GALNT17: variants seen among roughly 807,000 people sequenced by gnomAD.
The protein encoded by GALNT17 is polypeptide N-acetylgalactosaminyltransferase 17, also known as UDP-GalNAc:polypeptide N-acetylgalactosaminyltransferase-like 3.
Under a neutral mutation model 63.7 loss-of-function variants are expected in GALNT17, and 29 were observed. The ratio of observed to expected loss-of-function variants is 0.46; its 90% CI spans 0.34 to 0.62. GALNT17 has a LOEUF of 0.62. Ranked by LOEUF, GALNT17 falls within the 20% of genes least tolerant of loss-of-function variation. GALNT17 has a pLI of 0.01. For synonymous variants in GALNT17, 305 were observed against 318.3 expected (o/e 0.96, Z 0.45); for missense variants, 603 against 799.6 (o/e 0.75, Z 2.97).
rs552673942 is a variant in GALNT17, at chr7:71,476,708, A to G, written c.962+55603A>G. Among the ~76,000 whole-genome samples the G allele has an allele frequency of 7.2e-5, 11 of 152,242 alleles. No individual in the cohort carries two copies. The South Asian group carries it at 2.1e-3, about 29-fold the overall frequency. The stretch of plus-strand genomic sequence containing the variant: ...GGAGTGCTATTGATGTCTAGTTGGT[A>G]GAGAGCAGGACTGCCACTAAAGATC... On this transcript the variant is annotated intron_variant, in intron 5 of 10. Transcript: ENST00000333538.
intron 1 of GALNT17, among the ~76,000 whole-genome samples, chr7:71,270,538 C>CA (rs573250852): frequency 0.034 from 2,934 of 87,518 alleles, 31 homozygotes; most frequent in South Asian, 0.067. Context: ...CCCACCCCAC[C>CA]AAAAAAAAAA....
intron 2 of GALNT17, among the ~76,000 whole-genome samples, chr7:71,340,377 C>T (rs187094409): frequency 1.3e-5 from 2 of 152,274 alleles, no homozygotes; most frequent in South Asian, 2.1e-4. Context: ...CCTCTCTAGT[C>T]TCTATTACTC....
intron 3 of GALNT17, among the ~76,000 whole-genome samples, chr7:71,401,685 T>C (rs1793244250): frequency 1.3e-5 from 2 of 152,262 alleles, no homozygotes; most frequent in South Asian, 2.1e-4. Flanking sequence ...GAGCTGCACA[T>C]GTGAGGAATC....
chr7:71,678,956 C>CAAA (rs35898355), intron 9 of GALNT17, among the ~76,000 whole-genome samples: 24 of 114,032 alleles, frequency 2.1e-4, no homozygotes, highest in African/African-American at 5.6e-4. Context: ...GACTCCATCT[C>CAAA]AAAAAAAAAA....
intron 6 of GALNT17, among the ~76,000 whole-genome samples, chr7:71,585,991 A>G (rs1789712113): frequency 6.6e-6 from 1 of 150,822 alleles, no homozygotes; most frequent in Admixed American, 6.6e-5. Flanking sequence ...GCTCATTGCA[A>G]CCTCTGCCTC....
chr7:71,237,095 G>A (rs116587286), intron 1 of GALNT17, among the ~76,000 whole-genome samples: 2,402 of 152,258 alleles, frequency 0.016, 74 homozygotes, highest in African/African-American at 0.055. Context: ...GTGGGAGGTA[G>A]GGTCAAAAAC....
chr7:71,464,645 G>T (rs1407562652), intron 5 of GALNT17, among the ~76,000 whole-genome samples: 1 of 152,118 alleles, frequency 6.6e-6, no homozygotes, highest in African/African-American at 2.4e-5. Flanking sequence ...CAAACAGAAA[G>T]GGCACGGGTT....
chr7:71,208,554 G>A (rs1422956926), intron 1 of GALNT17, among the ~76,000 whole-genome samples: 1 of 146,182 alleles, frequency 6.8e-6, no homozygotes. Flanking sequence ...GGGCTCAAAT[G>A]ATCCTCCTGT....
chr7:71,282,446 G>GC (rs1790794166), intron 1 of GALNT17, among the ~76,000 whole-genome samples: 1 of 152,208 alleles, frequency 6.6e-6, no homozygotes, highest in Non-Finnish European at 1.5e-5. Flanking sequence ...GTTATTCTTT[G>GC]CCCCCGCAAG....
chr7:71,140,836 A>G (rs921125129), intron 1 of GALNT17, among the ~76,000 whole-genome samples: 3 of 151,712 alleles, frequency 2.0e-5, no homozygotes, highest in Admixed American at 6.6e-5. Context: ...AGCTTGGGCA[A>G]CATAGCAAGA....
At chr7:71,694,717 A>G (rs579280) in intron 9 of GALNT17, among the ~76,000 whole-genome samples, 150,021 of 152,306 alleles carry the variant, frequency 0.98, 73,917 homozygotes, top group East Asian at 1. Flanking sequence ...TTTAAAAAAT[A>G]AGGAAGCAGA....
At chr7:71,562,046 C>T (rs868403530) in intron 5 of GALNT17, among the ~76,000 whole-genome samples, 1 of 152,016 alleles carries the variant, frequency 6.6e-6, no homozygotes, top group African/African-American at 2.4e-5. Context: ...GTGTCCAACT[C>T]CCAGGCTCAA....
Position 71,441,019 on chromosome 7 carries a change from CT to C in GALNT17, c.962+19924del, listed in dbSNP as rs35952628. Among the ~76,000 whole-genome samples, 223 of 147,516 alleles carry C rather than the reference CT, an allele frequency of 1.5e-3. 3 individuals are homozygous for C. The East Asian group carries it at 0.04, about 26-fold the overall frequency. On this transcript the variant is annotated intron_variant, in intron 5 of 10. Coordinates refer to ENST00000333538, the MANE Select transcript of GALNT17 (RefSeq NM_022479.3). ...GCATATCAGTTTTTTTGTTGTTGTT[CT>C]TTTTTTTTTGGTTTTTTTTTGGAGA...
chr7:71,149,854 G>A (rs1788098706), intron 1 of GALNT17, among the ~76,000 whole-genome samples: 1 of 152,124 alleles, frequency 6.6e-6, no homozygotes, highest in South Asian at 2.1e-4. Flanking sequence ...CATCCATTGT[G>A]TTTGTATCAT....
At chr7:71,224,627 G>A (rs938525273) in intron 1 of GALNT17, among the ~76,000 whole-genome samples, 53 of 152,238 alleles carry the variant, frequency 3.5e-4, no homozygotes, top group Middle Eastern at 3.4e-3. Flanking sequence ...ACCTTTTCTA[G>A]GGCTTTTGGA....
intron 1 of GALNT17, among the ~76,000 whole-genome samples, chr7:71,160,291 A>G (rs1048649501): frequency 1.3e-5 from 2 of 152,236 alleles, no homozygotes; most frequent in African/African-American, 4.8e-5. Flanking sequence ...TTTAATAGGA[A>G]CATTTTCCCA....
At chr7:71,583,311 G>C (rs1789664404) in intron 6 of GALNT17, among the ~76,000 whole-genome samples, 1 of 152,146 alleles carries the variant, frequency 6.6e-6, no homozygotes, top group South Asian at 2.1e-4. Context: ...AGCCAGGATG[G>C]TCTCGATCTC....
intron 5 of GALNT17, among the ~76,000 whole-genome samples, chr7:71,563,290 G>A (rs1183588377): frequency 6.6e-6 from 1 of 152,180 alleles, no homozygotes; most frequent in African/African-American, 2.4e-5. Context: ...GCCCGCAAGT[G>A]GTATCAACTG....
At position 71,555,325 on chromosome 7, in the gene GALNT17, A is replaced by G. The variant is rs149500520; in HGVS notation, c.963-15960A>G. Among the ~76,000 whole-genome samples the G allele has an allele frequency of 9.6e-3, 1,454 of 152,240 alleles. 11 individuals are homozygous for G. The highest frequency in any genetic ancestry group is 0.031 in the Middle Eastern group (9 of 294). On this transcript the variant is annotated intron_variant, in intron 5 of 10. Transcript: ENST00000333538. ...TACTTCTCAACCCTGATTGTGCTTT[A>G]GAATCAAATATGGATGTCGACCAAT...
Sources: allele counts gnomAD v4.1 joint callset (sites outside exome capture counted in the v4.1 genomes callset), GRCh38; gene constraint gnomAD v4.1.1; transcripts MANE v1.5; gene names NCBI Gene and HGNC (gene_info 2026-07-23, HGNC 2026-07-21).